Variants in SH3BP5 observed in about 807,000 individuals in gnomAD.
SH3BP5 encodes the protein SH3 domain binding protein 5.
In SH3BP5, 22 loss-of-function variants were observed where a neutral mutation model predicts 43.3. The ratio of observed to expected loss-of-function variants is 0.51; its 90% CI spans 0.36 to 0.73. The LOEUF (loss-of-function observed/expected upper bound fraction) is 0.73. Ranked by LOEUF, SH3BP5 falls within the 30% of genes least tolerant of loss-of-function variation. The pLI is 0.00. For synonymous variants in SH3BP5, 255 were observed against 225.8 expected (o/e 1.13, Z -1.16); for missense variants, 529 against 586.9 (o/e 0.90, Z 1.02).
intron 3 of SH3BP5, among the ~76,000 whole-genome samples, chr3:15,284,126 C>T (rs77954759): frequency 0.023 from 3,470 of 152,232 alleles, 138 homozygotes; most frequent in African/African-American, 0.077. Flanking sequence ...TTTCAGTGAA[C>T]CAGCTGCTCC....
intron 3 of SH3BP5, among the ~76,000 whole-genome samples, chr3:15,303,692 G>GA (rs754583932): frequency 0.031 from 4,245 of 135,220 alleles, 186 homozygotes; most frequent in African/African-American, 0.1. Flanking sequence ...TCTTAAAAAG[G>GA]AAAAAAAAAA....
At chr3:15,259,972 A>T in intron 5 of SH3BP5, 169 bp from the exon 6 acceptor site, 1 of 649,312 alleles carries the variant, frequency 1.5e-6, no homozygotes, top group Non-Finnish European at 2.8e-6. Flanking sequence ...AGCTCTGGAG[A>T]CTGACAGACA....
chr3:15,319,779 C>T (rs1319333387), intron 2 of SH3BP5, among the ~76,000 whole-genome samples: 1 of 152,168 alleles, frequency 6.6e-6, no homozygotes, highest in Non-Finnish European at 1.5e-5. Flanking sequence ...CTCTGTCAGA[C>T]ACAAGAGTAG....
chr3:15,258,631 C>T, intron 7 of SH3BP5, 200 bp downstream of exon 7: 1 of 573,080 alleles, frequency 1.7e-6, no homozygotes, highest in Non-Finnish European at 3.1e-6. Context: ...TATTTGACCA[C>T]AGAATCCTGA....
intron 5 of SH3BP5, 166 bp from the exon 6 acceptor site, chr3:15,259,969 G>A: frequency 1.5e-6 from 1 of 654,546 alleles, no homozygotes. Context: ...CCTAGCTCTG[G>A]AGACTGACAG....
At chr3:15,325,364 C>A (rs1559460089) in intron 2 of SH3BP5, among the ~76,000 whole-genome samples, 1 of 152,248 alleles carries the variant, frequency 6.6e-6, no homozygotes, top group Admixed American at 6.5e-5. Context: ...TCGCCCATGC[C>A]TGGCACAAGG....
chr3:15,306,258 C>G (rs1011700910), intron 2 of SH3BP5, among the ~76,000 whole-genome samples: 2 of 152,148 alleles, frequency 1.3e-5, no homozygotes, highest in African/African-American at 2.4e-5. Flanking sequence ...ACTTGGGAGG[C>G]TGAGGCAGGA....
At chr3:15,273,838 A>G (rs1696883896) in intron 3 of SH3BP5, among the ~76,000 whole-genome samples, 1 of 150,200 alleles carries the variant, frequency 6.7e-6, no homozygotes, top group African/African-American at 2.5e-5. Flanking sequence ...TTATGGACTG[A>G]ATGTTTGTGC....
chr3:15,324,768 G>C (rs990516496), intron 2 of SH3BP5, among the ~76,000 whole-genome samples: 30 of 151,828 alleles, frequency 2.0e-4, no homozygotes, highest in African/African-American at 6.8e-4. Flanking sequence ...ATTCATGAGG[G>C]AGGGGCCGGG....
At chr3:15,312,967 G>C (rs997444052) in intron 2 of SH3BP5, among the ~76,000 whole-genome samples, 6 of 152,164 alleles carry the variant, frequency 3.9e-5, no homozygotes, top group African/African-American at 1.4e-4. Context: ...AGTAAGGCTG[G>C]GCACAGTGGC....
intron 3 of SH3BP5, among the ~76,000 whole-genome samples, chr3:15,286,262 C>T (rs375006932): frequency 2.0e-5 from 3 of 152,190 alleles, no homozygotes; most frequent in South Asian, 2.1e-4. Context: ...GTAGCAGCTC[C>T]GCCCCTGCCT....
At chr3:15,269,397 G>C (rs1696733654) in intron 4 of SH3BP5, among the ~76,000 whole-genome samples, 1 of 152,192 alleles carries the variant, frequency 6.6e-6, no homozygotes, top group South Asian at 2.1e-4. Context: ...TTCCATGGGA[G>C]CAAACCCTGG....
At chr3:15,293,622 T>C (rs751674019) in intron 3 of SH3BP5, among the ~76,000 whole-genome samples, 5 of 152,044 alleles carry the variant, frequency 3.3e-5, no homozygotes, top group Non-Finnish European at 7.4e-5. Context: ...TGTGCCAGAG[T>C]GTCTTTCAGA....
At chr3:15,309,916 C>CG (rs397797219) in intron 2 of SH3BP5, among the ~76,000 whole-genome samples, 2 of 144,046 alleles carry the variant, frequency 1.4e-5, no homozygotes, top group African/African-American at 5.1e-5. Flanking sequence ...ACCCCCCCCC[C>CG]ATAAGAAAAA....
chr3:15,309,332 T>C (rs1210440640), intron 2 of SH3BP5, among the ~76,000 whole-genome samples: 1 of 152,178 alleles, frequency 6.6e-6, no homozygotes, highest in African/African-American at 2.4e-5. Context: ...TTTGGGTTTT[T>C]GTTTTCACTT....
intron 3 of SH3BP5, among the ~76,000 whole-genome samples, chr3:15,279,802 T>G (rs944513426): frequency 5.9e-5 from 9 of 152,176 alleles, no homozygotes; most frequent in Admixed American, 2.0e-4. Flanking sequence ...CAGGGAAGGT[T>G]CATCAAGCAC....
chr3:15,292,480 A>T (rs1697439053), intron 3 of SH3BP5, among the ~76,000 whole-genome samples: 1 of 152,220 alleles, frequency 6.6e-6, no homozygotes, highest in Non-Finnish European at 1.5e-5. Context: ...GCCTGCAACC[A>T]GTCCCCCACG....
chr3:15,290,806 G>A (rs1697391600), intron 3 of SH3BP5, among the ~76,000 whole-genome samples: 1 of 152,136 alleles, frequency 6.6e-6, no homozygotes, highest in African/African-American at 2.4e-5. Flanking sequence ...CATCCTCCAT[G>A]AGAAGGTAAA....
intron 3 of SH3BP5, among the ~76,000 whole-genome samples, chr3:15,295,038 C>T (rs12497965): frequency 6.7e-4 from 102 of 152,194 alleles, no homozygotes; most frequent in South Asian, 3.3e-3. Flanking sequence ...TGTGTCCTTC[C>T]CCTCAAGCCT....
Sources: allele counts gnomAD v4.1 joint callset (sites outside exome capture counted in the v4.1 genomes callset), GRCh38; gene constraint gnomAD v4.1.1; transcripts MANE v1.5; gene names NCBI Gene and HGNC (gene_info 2026-07-23, HGNC 2026-07-21).